The following ANO4 variants were observed in gnomAD, a reference collection of about 807,000 sequenced individuals.
The protein encoded by ANO4 is anoctamin-4.
In ANO4, 69 loss-of-function variants were observed where a neutral mutation model predicts 141.9. The observed-to-expected ratio is 0.49, with a 90% CI of 0.40 to 0.59. The LOEUF (loss-of-function observed/expected upper bound fraction) is 0.59, where lower values mean the gene tolerates loss of function less well. Among genes scored for constraint, ANO4 ranks in the 20% least tolerant of loss-of-function variants. The probability of loss-of-function intolerance (pLI) is 0.00; values close to 1 mark genes in which losing one functional copy is unlikely to be tolerated. For missense variants in ANO4, 894 were observed against 1,162.2 expected (o/e 0.77, Z 3.36); for synonymous variants, 350 against 394.3 (o/e 0.89, Z 1.33).
At chr12:100,788,685 A>G (rs1164868393) in intron 3 of ANO4, among the ~76,000 whole-genome samples, 1 of 152,154 alleles carries the variant, frequency 6.6e-6, no homozygotes, top group African/African-American at 2.4e-5. Flanking sequence ...TATTCAAGAA[A>G]TCCATCTTGA....
chr12:100,773,371 C>T (rs1231411787), intron 3 of ANO4, among the ~76,000 whole-genome samples: 1 of 152,204 alleles, frequency 6.6e-6, no homozygotes, highest in African/African-American at 2.4e-5. Context: ...TTTGTGTTCT[C>T]AGAGAGCCAG....
intron 1 of ANO4, among the ~76,000 whole-genome samples, chr12:100,827,517 TTC>T (rs2036415716): frequency 6.6e-6 from 1 of 152,064 alleles, no homozygotes; most frequent in African/African-American, 2.4e-5. Context: ...TAGGAATTTT[TTC>T]TGTTTTGTCT....
intron 1 of ANO4, among the ~76,000 whole-genome samples, chr12:100,846,097 T>C (rs1201343738): frequency 6.6e-6 from 1 of 152,258 alleles, no homozygotes; most frequent in Non-Finnish European, 1.5e-5. Flanking sequence ...GATCTTGTAG[T>C]TATGAGGCAT....
chr12:101,059,232 A>C (rs1457534035), intron 14 of ANO4, among the ~76,000 whole-genome samples: 1 of 152,178 alleles, frequency 6.6e-6, no homozygotes, highest in Non-Finnish European at 1.5e-5. Context: ...GTGGTGGATA[A>C]GCTTTTTGAT....
At chr12:100,957,393 T>G (rs1205995378) in intron 5 of ANO4, among the ~76,000 whole-genome samples, 1 of 152,170 alleles carries the variant, frequency 6.6e-6, no homozygotes, top group Non-Finnish European at 1.5e-5. Flanking sequence ...AGCACCCTCA[T>G]GATCCAAACA....
chr12:101,115,564 T>C (rs1354289486), intron 24 of ANO4, among the ~76,000 whole-genome samples: 2 of 152,214 alleles, frequency 1.3e-5, no homozygotes, highest in East Asian at 3.9e-4. Flanking sequence ...TGTAAAACAC[T>C]ATTTAAAGAA....
chr12:100,836,643 A>G (rs1418620992), intron 1 of ANO4, among the ~76,000 whole-genome samples: 1 of 151,894 alleles, frequency 6.6e-6, no homozygotes, highest in Non-Finnish European at 1.5e-5. Context: ...ACCTACAGGA[A>G]AGAGGAGGTC....
intron 1 of ANO4, among the ~76,000 whole-genome samples, chr12:100,896,841 T>C (rs1336046243): frequency 6.6e-6 from 1 of 152,188 alleles, no homozygotes; most frequent in Non-Finnish European, 1.5e-5. Flanking sequence ...ATTGATATGA[T>C]AGAAGCTAAT....
chr12:100,806,560 T>TTTTTTTTTTTTTTTTA, intron 1 of ANO4, among the ~76,000 whole-genome samples: 1 of 95,848 alleles, frequency 1.0e-5, no homozygotes, highest in Admixed American at 1.1e-4. Flanking sequence ...TTTTTTTTTT[T>TTTTTTTTTTTTTTTTA]GTGAGACAGA....
At chr12:100,989,101 C>T (rs114395471) in intron 8 of ANO4, among the ~76,000 whole-genome samples, 213 of 152,236 alleles carry the variant, frequency 1.4e-3, no homozygotes, top group African/African-American at 4.6e-3. Context: ...CAACTCTGTA[C>T]GCCTCTGAAA....
intron 3 of ANO4, among the ~76,000 whole-genome samples, chr12:100,770,937 T>C (rs529492273): frequency 1.3e-5 from 2 of 152,014 alleles, no homozygotes; most frequent in East Asian, 3.9e-4. Flanking sequence ...GATGGAAAAA[T>C]GGAAGGTAAA....
upstream of ANO4, among the ~76,000 whole-genome samples, chr12:100,790,843 C>T (rs1056613743): frequency 2.0e-5 from 3 of 152,134 alleles, no homozygotes; most frequent in East Asian, 1.9e-4. Flanking sequence ...TTTGCAAACC[C>T]GCCTACTAAG....
chr12:100,721,145 T>A (rs188382225), intron 1 of ANO4, among the ~76,000 whole-genome samples: 6 of 152,304 alleles, frequency 3.9e-5, no homozygotes, highest in Admixed American at 1.3e-4. Context: ...TCTCTCTTTG[T>A]GTTAGCATCA....
rs116969655 is a variant in ANO4 at position 101,050,368 on chromosome 12, T to C, written c.1312+1967T>C. Among the ~76,000 whole-genome samples the C allele has an allele frequency of 3.2e-4, 49 of 152,324 alleles. No homozygotes were observed. The East Asian group carries it at 9.1e-3, about 28-fold the overall frequency. ...GGATTCCTGCCTCCCTTGGTGGACCTTGTGAAAAGCTTTCACTGTTCATGC... is the reference window on the plus strand; with the variant it reads ...GGATTCCTGCCTCCCTTGGTGGACCCTGTGAAAAGCTTTCACTGTTCATGC... On this transcript the variant is annotated intron_variant, in intron 14 of 27. Transcript: ENST00000392977.
At chr12:101,093,094 C>T (rs1451532389) in intron 17 of ANO4, among the ~76,000 whole-genome samples, 1 of 152,088 alleles carries the variant, frequency 6.6e-6, no homozygotes, top group Non-Finnish European at 1.5e-5. Flanking sequence ...TGGAAAATGA[C>T]ACCAATCTCC....
chr12:101,055,200 A>G (rs2048062069), intron 14 of ANO4, among the ~76,000 whole-genome samples: 2 of 152,340 alleles, frequency 1.3e-5, no homozygotes, highest in South Asian at 4.1e-4. Context: ...ATGAATAATT[A>G]AAAGTGGCAT....
Position 100,950,232 on chromosome 12 carries a change from A to G in ANO4, c.456+7697A>G, listed in dbSNP as rs188943331. Reference sequence around the variant, plus strand: ...TAGGGCTTTCTGGTCAGAAAAGAAAAAAAAAGAAAAAGAAAATCAGACTTT... The same window carrying G: ...TAGGGCTTTCTGGTCAGAAAAGAAAGAAAAAGAAAAAGAAAATCAGACTTT... On this transcript the variant is annotated intron_variant, in intron 5 of 27. Transcript: ENST00000392977. 8.7e-4 allele frequency among the ~76,000 whole-genome samples: 133 copies of G among 152,296 alleles called. 1 individual carries two copies. Among genetic ancestry groups the G allele is most frequent in the Admixed American group, 2.2e-3 (33 of 15,286 alleles).
chr12:101,127,779 T>A (rs2051383416), intron 27 of ANO4, 82 bp from the exon 28 acceptor site: 1 of 152,722 alleles, frequency 6.5e-6, no homozygotes, highest in South Asian at 2.1e-4. Flanking sequence ...CTTTGGTGCA[T>A]GGTAAGTACA....
intron 1 of ANO4, among the ~76,000 whole-genome samples, chr12:100,861,608 T>G (rs1207625049): frequency 6.6e-6 from 1 of 152,222 alleles, no homozygotes; most frequent in Non-Finnish European, 1.5e-5. Flanking sequence ...CATTACCATA[T>G]ACTACTGTAG....
Sources: gnomAD v4.1 joint callset for allele counts (sites outside exome capture counted in the v4.1 genomes callset) on GRCh38, gnomAD v4.1.1 for gene constraint, MANE v1.5 for transcripts, NCBI Gene and HGNC (gene_info 2026-07-23, HGNC 2026-07-21) for gene names.